The following STAB2 variants were observed in gnomAD, a reference collection of about 807,000 sequenced individuals.
The protein encoded by STAB2 is stabilin-2.
Under a neutral mutation model 338.1 loss-of-function variants are expected in STAB2, and 288 were observed. That is an observed-to-expected ratio of 0.85 (90% CI 0.77 to 0.94). The LOEUF is 0.94. Ranked by LOEUF, STAB2 falls within the 40% of genes least tolerant of loss-of-function variation. The pLI is 0.00. For missense variants in STAB2, 3,141 were observed against 3,210.1 expected (o/e 0.98, Z 0.52); for synonymous variants, 1,202 against 1,193.3 (o/e 1.01, Z -0.15).
At position 103,668,077 on chromosome 12, in the gene STAB2, T is replaced by C. The variant is rs909933264; in HGVS notation, c.2086-566T>C. Among the ~76,000 whole-genome samples, 3 of 152,222 alleles carry C rather than the reference T, an allele frequency of 2.0e-5. No individual in the cohort carries two copies. In the East Asian group the frequency reaches 5.8e-4, roughly 29 times the overall value. ...AGAAACATCCACATAGAATTGAAGA[T>C]TGATGAACTCATCTGTGCAATGTGT... is the stretch of plus-strand genomic sequence containing the variant. On this transcript the variant is annotated intron_variant, in intron 19 of 68. Transcript: ENST00000388887.
chr12:103,631,567 GTAA>G lies in STAB2; in HGVS notation c.488-27_488-25del, dbSNP rs748905624. ...AATGTTTAGCAACAGTCTATGTCAG[GTAA>G]TAAAAATCCCCCACTTTCTGTCTCC... On this transcript the variant is annotated intron_variant, in intron 5 of 68. Transcript: ENST00000388887. The G allele has an allele frequency of 1.9e-5, 30 of 1,592,776 alleles. No homozygotes were observed. In the Admixed American group the frequency reaches 2.8e-4, roughly 15 times the overall value.
chr12:103,694,966 G>A (rs1412691094), intron 31 of STAB2, among the ~76,000 whole-genome samples: 1 of 152,096 alleles, frequency 6.6e-6, no homozygotes, highest in African/African-American at 2.4e-5. Context: ...ACTCTCTGCA[G>A]CTGTGTGTCT....
intron 29 of STAB2, 44 bp downstream of exon 29, chr12:103,690,026 C>G (rs1484620090): frequency 6.3e-7 from 1 of 1,598,436 alleles, no homozygotes; most frequent in East Asian, 2.2e-5. Context: ...TGAATGGCAT[C>G]TGTGTAAACA....
chr12:103,706,842 A>T lies in STAB2; in HGVS notation c.4047A>T (p.Pro1349=), dbSNP rs1389424925. 6.2e-7 allele frequency: 1 copy of T among 1,614,242 alleles called. No individual in the cohort carries two copies. Among genetic ancestry groups the T allele is most frequent in the Non-Finnish European group, 8.5e-7 (1 of 1,180,042 alleles). Residue 1349 remains proline, a synonymous_variant, in exon 38 of 69, where the codon CCA becomes CCT. Transcript: ENST00000388887. The part of the protein sequence containing the change: ...GFFGPQCQPC[P]GNAQNVCFGN... ...TTGGCCCCCAATGCCAGCCCTGCCC[A>T]GGGAATGCCCAGAATGTCTGCTTTG...
chr12:103,729,960 A>G (rs1881504329), intron 48 of STAB2, among the ~76,000 whole-genome samples, 156 bp from the exon 49 acceptor site: 1 of 152,188 alleles, frequency 6.6e-6, no homozygotes, highest in Non-Finnish European at 1.5e-5. Flanking sequence ...CTCTGTTTTC[A>G]CTTTATAATC....
intron 21 of STAB2, 36 bp from the exon 22 acceptor site, chr12:103,670,660 G>A: frequency 1.3e-6 from 2 of 1,528,860 alleles, no homozygotes; most frequent in Non-Finnish European, 1.8e-6. Context: ...AGAACTATGT[G>A]TCCTAATGGC....
chr12:103,664,682 G>T (rs1874919850), intron 18 of STAB2, among the ~76,000 whole-genome samples: 1 of 152,150 alleles, frequency 6.6e-6, no homozygotes, highest in Non-Finnish European at 1.5e-5. Context: ...TCCTCTTCTT[G>T]TTATGAAGGC....
At chr12:103,700,398 T>A (rs1566026393) in intron 34 of STAB2, among the ~76,000 whole-genome samples, 1 of 152,214 alleles carries the variant, frequency 6.6e-6, no homozygotes, top group Non-Finnish European at 1.5e-5. Flanking sequence ...AAAAACAATT[T>A]CTTCAGTGGT....
intron 9 of STAB2, among the ~76,000 whole-genome samples, chr12:103,648,306 C>G (rs1381975761): frequency 6.6e-6 from 1 of 152,164 alleles, no homozygotes; most frequent in African/African-American, 2.4e-5. Flanking sequence ...TCTTTGCTGT[C>G]CTGCAGGCTG....
intron 20 of STAB2, 52 bp downstream of exon 20, chr12:103,668,781 C>T: frequency 6.8e-7 from 1 of 1,470,162 alleles, no homozygotes; most frequent in Non-Finnish European, 9.1e-7. Flanking sequence ...CCAGGCAGCT[C>T]CAGGGCCATG....
At chr12:103,739,915 C>T in intron 54 of STAB2, among the ~76,000 whole-genome samples, 1 of 152,090 alleles carries the variant, frequency 6.6e-6, no homozygotes, top group Non-Finnish European at 1.5e-5. Context: ...CAGCCCAAGG[C>T]TACACAGCTA....
Position 103,668,707 on chromosome 12 carries a change from G to A in STAB2, c.2150G>A (p.Arg717Gln), listed in dbSNP as rs368071595. 3.7e-5 allele frequency: 58 copies of A among 1,548,670 alleles called. No individual in the cohort carries two copies. The highest frequency in any genetic ancestry group is 4.8e-5 in the South Asian group (4 of 83,950). Reference protein sequence around the residue: ...RFGSLKSGCARYCNATVKIPK... With the variant: ...RFGSLKSGCAQYCNATVKIPK... ...GGGAGCCTGAAGAGCGGCTGTGCCC[G>A]GTACTGCAATGCCACTGTGAAGGTG... is the stretch of plus-strand genomic sequence containing the variant. The change falls in exon 20 of 69, where the codon CGG (arginine) becomes CAG (glutamine). Residue 717 changes from arginine to glutamine, a missense_variant. Transcript: ENST00000388887.
At chr12:103,683,099 C>A in intron 25 of STAB2, 106 bp from the exon 26 acceptor site, 3 of 922,628 alleles carry the variant, frequency 3.3e-6, no homozygotes, top group Non-Finnish European at 3.3e-6. Context: ...CTGGGACAGC[C>A]AAGCAGCTTC....
rs776079459 is a variant in STAB2, at chr12:103,594,504, T to A, written c.325T>A (p.Cys109Ser). The change falls in exon 3 of 69, where the codon TGT becomes AGT. Residue 109 changes from cysteine to serine, a missense_variant. Physicochemically the swap from Cys to Ser is moderately radical, Grantham distance 112. Transcript: ENST00000388887. ...TTGTCCTGGCCGCTGGGGCCCAGAC[T>A]GTATAGGTAAGTGGCACAATGCTTG... is the stretch of plus-strand genomic sequence containing the variant. ...RCCPGRWGPD[C>S]IECPGGAGSP... is the part of the protein sequence containing the mutation. 6.2e-7 allele frequency: 1 copy of A among 1,612,652 alleles called. No individual in the cohort carries two copies. Among genetic ancestry groups the A allele is most frequent in the Non-Finnish European group, 8.5e-7 (1 of 1,178,836 alleles).
chr12:103,666,493 G>T, intron 19 of STAB2, 140 bp downstream of exon 19: 1 of 830,548 alleles, frequency 1.2e-6, no homozygotes, highest in African/African-American at 1.7e-5. Flanking sequence ...CCTACTATAT[G>T]GGGGATGGTA....
intron 16 of STAB2, 129 bp downstream of exon 16, chr12:103,660,513 A>G: frequency 7.7e-7 from 1 of 1,291,584 alleles, no homozygotes; most frequent in Non-Finnish European, 1.1e-6. Flanking sequence ...TCAGCCATGA[A>G]CAATGAGTCC....
At chr12:103,675,000 C>T (rs911439562) in intron 23 of STAB2, among the ~76,000 whole-genome samples, 5 of 152,126 alleles carry the variant, frequency 3.3e-5, no homozygotes, top group South Asian at 2.1e-4. Context: ...AGAGGACTGT[C>T]GGCATGGGTC....
chr12:103,622,934 T>C (rs960869341), intron 5 of STAB2, among the ~76,000 whole-genome samples: 3 of 152,204 alleles, frequency 2.0e-5, no homozygotes. Context: ...TCCCTTCCTT[T>C]TGGGAGTTCA....
At chr12:103,737,235 G>C (rs1329607271) in intron 52 of STAB2, among the ~76,000 whole-genome samples, 1 of 152,154 alleles carries the variant, frequency 6.6e-6, no homozygotes, top group African/African-American at 2.4e-5. Flanking sequence ...TGAAGCAGAG[G>C]GTTCAAGGGG....
Sources: gnomAD v4.1 joint callset for allele counts (sites outside exome capture counted in the v4.1 genomes callset) on GRCh38, gnomAD v4.1.1 for gene constraint, MANE v1.5 for transcripts, NCBI Gene and HGNC (gene_info 2026-07-23, HGNC 2026-07-21) for gene names.